SMARCC1: variants seen among roughly 807,000 people sequenced by gnomAD.
The protein encoded by SMARCC1 is SWI/SNF related BAF chromatin remodeling complex subunit C1, also known as SWI/SNF complex subunit SMARCC1.
SMARCC1 carries 43 observed loss-of-function variants against 147.4 expected under a neutral mutation model. That is an observed-to-expected ratio of 0.29 (90% CI 0.23 to 0.38). The LOEUF (loss-of-function observed/expected upper bound fraction) is 0.38. Among genes scored for constraint, SMARCC1 ranks in the 10% least tolerant of loss-of-function variants. SMARCC1 has a pLI of 1.00. For synonymous variants in SMARCC1, 495 were observed against 484.4 expected, an observed-to-expected ratio of 1.02 and a Z score of -0.29; for missense variants, 1,119 against 1,381.1, an observed-to-expected ratio of 0.81 and a Z score of 3.01.
At chr3:47,598,165 G>A (rs757484347) in intron 26 of SMARCC1, among the ~76,000 whole-genome samples, 3 of 151,966 alleles carry the variant, frequency 2.0e-5, no homozygotes, top group Non-Finnish European at 4.4e-5. Flanking sequence ...TAAAAGCAAT[G>A]CTTTGTTTTC....
chr3:47,737,558 T>C lies in SMARCC1; in HGVS notation c.483+471A>G, dbSNP rs117999921. ...AATCCCCAAACACCCATAAAAATAATAAAACAATACCTTTCAGAACATTTT... is the reference window on the plus strand; with the variant it reads ...AATCCCCAAACACCCATAAAAATAACAAAACAATACCTTTCAGAACATTTT... On this transcript the variant is annotated intron_variant, in intron 4 of 27. Coordinates refer to ENST00000254480, the MANE Select transcript of SMARCC1 (RefSeq NM_003074.4). 1.2e-3 allele frequency among the ~76,000 whole-genome samples: 184 copies of C among 152,258 alleles called. 5 individuals are homozygous for C. The East Asian group carries it at 0.033, about 28-fold the overall frequency.
intron 5 of SMARCC1, among the ~76,000 whole-genome samples, chr3:47,731,609 T>C (rs987461654): frequency 6.6e-6 from 1 of 152,226 alleles, no homozygotes; most frequent in African/African-American, 2.4e-5. Context: ...GTCAAAATAC[T>C]CCTTAAAACA....
Position 47,772,775 on chromosome 3 carries a change from G to C in SMARCC1, c.315+42C>G, listed in dbSNP as rs375635927. 39 of 1,563,934 alleles carry C rather than the reference G, an allele frequency of 2.5e-5. No homozygotes were observed. The African/African-American group carries it at 5.0e-4, about 20-fold the overall frequency. On this transcript the variant is annotated intron_variant, in intron 2 of 27. Coordinates refer to ENST00000254480, the MANE Select transcript of SMARCC1 (RefSeq NM_003074.4). The stretch of plus-strand genomic sequence containing the variant: ...TGGATGCTACACCTAAAAGTATACA[G>C]CAACTGAGGATGCCCAAATAACAGT...
intron 2 of SMARCC1, among the ~76,000 whole-genome samples, chr3:47,766,983 C>T (rs1255893809): frequency 6.6e-6 from 1 of 151,962 alleles, no homozygotes; most frequent in African/African-American, 2.4e-5. Flanking sequence ...AGATCAAGAC[C>T]ATCCTGGCTA....
intron 21 of SMARCC1, among the ~76,000 whole-genome samples, chr3:47,652,973 G>A (rs1342526474): frequency 8.3e-5 from 11 of 131,986 alleles, no homozygotes; most frequent in African/African-American, 1.4e-4. Flanking sequence ...TTTTTGAGAC[G>A]GAGTCTCGCT....
At chr3:47,658,070 A>T (rs2033287054) in intron 21 of SMARCC1, among the ~76,000 whole-genome samples, 1 of 152,124 alleles carries the variant, frequency 6.6e-6, no homozygotes, top group Admixed American at 6.6e-5. Flanking sequence ...CAGAGAATCA[A>T]TGAAACAAAA....
chr3:47,718,856 T>C (rs2034194155), intron 7 of SMARCC1, among the ~76,000 whole-genome samples: 1 of 151,978 alleles, frequency 6.6e-6, no homozygotes, highest in South Asian at 2.1e-4. Context: ...GTACAAACAA[T>C]GTTATCCCTA....
At chr3:47,637,690 C>T (rs371594539) in intron 22 of SMARCC1, among the ~76,000 whole-genome samples, 1 of 148,012 alleles carries the variant, frequency 6.8e-6, no homozygotes, top group African/African-American at 2.5e-5. Context: ...CCAGCCTGTG[C>T]GACAGAGTGA....
intron 1 of SMARCC1, among the ~76,000 whole-genome samples, chr3:47,778,436 C>A (rs947367489): frequency 1.3e-5 from 2 of 151,886 alleles, no homozygotes; most frequent in African/African-American, 4.8e-5. Flanking sequence ...CCTGCCTCAG[C>A]CAAGTAGCTG....
chr3:47,743,903 G>A (rs2034537581), intron 3 of SMARCC1, among the ~76,000 whole-genome samples: 1 of 151,858 alleles, frequency 6.6e-6, no homozygotes, highest in Non-Finnish European at 1.5e-5. Context: ...ATATCACTTT[G>A]GTATTCTATC....
At chr3:47,736,351 A>T (rs2034442620) in intron 4 of SMARCC1, among the ~76,000 whole-genome samples, 1 of 152,170 alleles carries the variant, frequency 6.6e-6, no homozygotes, top group Admixed American at 6.5e-5. Context: ...GGTCTAATGT[A>T]GTGTTTTTAG....
At chr3:47,734,190 A>T (rs2034412811) in intron 5 of SMARCC1, among the ~76,000 whole-genome samples, 1 of 152,170 alleles carries the variant, frequency 6.6e-6, no homozygotes, top group Non-Finnish European at 1.5e-5. Flanking sequence ...CCCTGGTAAC[A>T]TTCCACATAT....
chr3:47,615,537 T>C (rs1022997785), intron 25 of SMARCC1, among the ~76,000 whole-genome samples: 5 of 152,212 alleles, frequency 3.3e-5, no homozygotes, highest in Non-Finnish European at 7.3e-5. Context: ...TGAATTTTCA[T>C]AGCCCCATCA....
intron 2 of SMARCC1, among the ~76,000 whole-genome samples, chr3:47,751,929 A>G (rs1320606372): frequency 6.6e-6 from 1 of 151,888 alleles, no homozygotes; most frequent in Admixed American, 6.6e-5. Flanking sequence ...TAAAAATACA[A>G]AAAAATTAGC....
intron 6 of SMARCC1, among the ~76,000 whole-genome samples, chr3:47,725,221 G>T (rs959301052): frequency 2.0e-5 from 3 of 151,806 alleles, no homozygotes; most frequent in African/African-American, 4.8e-5. Flanking sequence ...AGACATAAGA[G>T]ATCGTATGTC....
Position 47,675,461 on chromosome 3 carries a change from A to G in SMARCC1, c.1839+14T>C, listed in dbSNP as rs541738871. ...TGTGCTGGATTGCAGCCCATGTGTG[A>G]TTAGAAAAATTACCTTTGCTAATGT... is the stretch of plus-strand genomic sequence containing the variant. On this transcript the variant is annotated intron_variant, in intron 18 of 27. Coordinates refer to ENST00000254480, the MANE Select transcript of SMARCC1 (RefSeq NM_003074.4). 4 of 1,338,752 alleles carry G rather than the reference A, an allele frequency of 3.0e-6. No individual in the cohort carries two copies. The South Asian group carries it at 4.7e-5, about 16-fold the overall frequency. The allele number at this position is 1,338,752 out of a possible 1,614,324, so 82.9% of individuals were successfully genotyped here. A position where few individuals can be genotyped will look rare whatever the true frequency, so the allele number is the denominator to read the frequency against.
intron 14 of SMARCC1, among the ~76,000 whole-genome samples, chr3:47,683,270 T>C (rs1290177072): frequency 6.6e-6 from 1 of 151,668 alleles, no homozygotes. Flanking sequence ...ATGGTCTCAA[T>C]CTCCTGACCT....
intron 26 of SMARCC1, chr3:47,604,699 C>CTTTTTTTTTTTTTTTTTTTTT (rs58702136): frequency 8.6e-6 from 1 of 115,942 alleles, no homozygotes; most frequent in African/African-American, 3.1e-5. Flanking sequence ...TACTGTTGTT[C>CTTTTTTTTTTTTTTTTTTTTT]TTTTTTTTTT....
chr3:47,657,099 C>T (rs765507313), intron 21 of SMARCC1, among the ~76,000 whole-genome samples: 1 of 152,040 alleles, frequency 6.6e-6, no homozygotes, highest in East Asian at 1.9e-4. Context: ...ATATAAGCAA[C>T]AACAGAGTCT....
Sources: gnomAD v4.1 joint callset for allele counts (sites outside exome capture counted in the v4.1 genomes callset) on GRCh38, gnomAD v4.1.1 for gene constraint, MANE v1.5 for transcripts, NCBI Gene and HGNC (gene_info 2026-07-23, HGNC 2026-07-21) for gene names.